Variants in PPFIBP2 observed in about 807,000 individuals in gnomAD.
PPFIBP2 encodes PPFIB scaffold protein 2, also known as liprin-beta-2.
In PPFIBP2, 118 loss-of-function variants were observed where a neutral mutation model predicts 118.3. The observed-to-expected ratio is 1.00, with a 90% CI of 0.86 to 1.16. PPFIBP2 has a LOEUF of 1.16. Among genes scored for constraint, PPFIBP2 ranks in the 50% most tolerant of loss-of-function variants. The pLI is 0.00. For missense variants in PPFIBP2, 1,195 were observed against 1,073.1 expected (o/e 1.11, Z -1.59); for synonymous variants, 414 against 397.4 (o/e 1.04, Z -0.50).
chr11:7,595,870 C>T (rs560113456), intron 4 of PPFIBP2, among the ~76,000 whole-genome samples: 4 of 148,738 alleles, frequency 2.7e-5, no homozygotes, highest in African/African-American at 1.0e-4. Flanking sequence ...AATGTAACTC[C>T]TTAGGAAAAG....
chr11:7,649,270 C>T (rs1188515835), intron 20 of PPFIBP2, 35 bp downstream of exon 20: 2 of 1,560,302 alleles, frequency 1.3e-6, no homozygotes, highest in Non-Finnish European at 8.8e-7. Flanking sequence ...TCAGTTGTCC[C>T]TGTGAGCACT....
chr11:7,593,094 A>T (rs749633670), intron 3 of PPFIBP2, 38 bp from the exon 4 acceptor site: 1 of 1,600,166 alleles, frequency 6.2e-7, no homozygotes, highest in Non-Finnish European at 8.5e-7. Flanking sequence ...TGTTTTTCCA[A>T]CCTTTTAAGT....
At position 7,620,947 on chromosome 11, in the gene PPFIBP2, G is replaced by C; in HGVS notation, c.631G>C (p.Glu211Gln). The C allele has an allele frequency of 6.2e-7, 1 of 1,610,016 alleles. No homozygotes were observed. ...KQRKAEELLQELRHLKIKVEE... is the reference protein window; with the variant it reads ...KQRKAEELLQQLRHLKIKVEE... ...CCTCATCCCCTAGGAGTTACTGCAA[G>C]AGCTCAGGCACCTCAAAATCAAAGT... Residue 211 changes from glutamate to glutamine, a missense_variant, in exon 7 of 24, where the codon GAG (glutamate) becomes CAG (glutamine). By Grantham distance (29) the Glu-to-Gln change is conservative (BLOSUM62 2). Coordinates refer to ENST00000299492, the MANE Select transcript of PPFIBP2 (RefSeq NM_003621.5).
chr11:7,558,434 C>T (rs568346171), intron 2 of PPFIBP2, among the ~76,000 whole-genome samples: 1 of 152,208 alleles, frequency 6.6e-6, no homozygotes, highest in Non-Finnish European at 1.5e-5. Context: ...CTACCACAGA[C>T]ATCCCTATGT....
chr11:7,554,130 G>T (rs72849066), intron 2 of PPFIBP2, among the ~76,000 whole-genome samples: 6,003 of 152,214 alleles, frequency 0.039, 126 homozygotes, highest in African/African-American at 0.067. Context: ...ATTTTAGATT[G>T]CATGATGTCA....
intron 2 of PPFIBP2, among the ~76,000 whole-genome samples, chr11:7,551,204 C>T (rs375815908): frequency 2.0e-5 from 3 of 152,186 alleles, no homozygotes; most frequent in South Asian, 4.2e-4. Context: ...GTGAGCTCCT[C>T]GGGGTCTCAC....
chr11:7,597,092 ACTCACCTGATAGG>A, intron 4 of PPFIBP2: 1 of 1,216,048 alleles, frequency 8.2e-7, no homozygotes, highest in Non-Finnish European at 1.1e-6. Context: ...GCATCAAAAC[ACTCACCTGATAGG>A]TGAGCAGTCC....
chr11:7,624,843 A>T (rs1849776230), intron 7 of PPFIBP2, among the ~76,000 whole-genome samples: 1 of 152,334 alleles, frequency 6.6e-6, no homozygotes, highest in East Asian at 1.9e-4. Flanking sequence ...TTCCCATTTT[A>T]TAGATGAGCT....
intron 1 of PPFIBP2, among the ~76,000 whole-genome samples, chr11:7,530,653 A>G (rs371180204): frequency 6.6e-6 from 1 of 152,220 alleles, no homozygotes; most frequent in Admixed American, 6.5e-5. Flanking sequence ...GCTGTGAGAA[A>G]TACATTTCCA....
intron 17 of PPFIBP2, among the ~76,000 whole-genome samples, chr11:7,645,609 TGAG>T (rs1209523939): frequency 2.0e-5 from 3 of 152,112 alleles, no homozygotes; most frequent in African/African-American, 7.2e-5. Context: ...TGAGAGGAGC[TGAG>T]GAGGAGGTGC....
At chr11:7,653,879 G>T, downstream of PPFIBP2, 1 of 994,278 alleles carries the variant, frequency 1.0e-6, no homozygotes, top group Non-Finnish European at 1.3e-6. Context: ...TCAGCCAGGT[G>T]CATGCTCAGG....
chr11:7,517,553 G>C (rs1294688828), intron 1 of PPFIBP2, among the ~76,000 whole-genome samples: 1 of 87,146 alleles, frequency 1.1e-5, no homozygotes, highest in African/African-American at 4.6e-5. Flanking sequence ...TCCCTGCCTA[G>C]GAGCAGAGTT....
chr11:7,530,305 A>G (rs1850580377), intron 1 of PPFIBP2, among the ~76,000 whole-genome samples: 1 of 135,758 alleles, frequency 7.4e-6, no homozygotes, highest in Non-Finnish European at 1.6e-5. Flanking sequence ...AAGGCAAAAA[A>G]CGAATCCAGC....
the PPFIBP2 span, chr11:7,665,963 G>A: frequency 2.1e-5 from 32 of 1,518,484 alleles, no homozygotes; most frequent in African/African-American, 4.1e-5. Flanking sequence ...AGGTACAGCC[G>A]GGAGCAGTGT....
chr11:7,576,672 C>T (rs1291195357), intron 3 of PPFIBP2: 1 of 152,396 alleles, frequency 6.6e-6, no homozygotes, highest in Non-Finnish European at 1.5e-5. Context: ...ACCCTCCAGC[C>T]CTGGCCCCTG....
chr11:7,540,180 G>A (rs1386274259), intron 1 of PPFIBP2, among the ~76,000 whole-genome samples: 3 of 152,130 alleles, frequency 2.0e-5, no homozygotes, highest in African/African-American at 7.2e-5. Flanking sequence ...CGTTGTGAAT[G>A]CTGGGAAGCC....
chr11:7,641,018 C>T (rs1565108573), intron 15 of PPFIBP2: 2 of 1,275,976 alleles, frequency 1.6e-6, no homozygotes, highest in Non-Finnish European at 1.0e-6. Flanking sequence ...TTCTCTGCTT[C>T]TTGGTTCACT....
chr11:7,615,059 G>A (rs2135537227), intron 6 of PPFIBP2, among the ~76,000 whole-genome samples: 1 of 152,276 alleles, frequency 6.6e-6, no homozygotes, highest in Non-Finnish European at 1.5e-5. Context: ...AGCTAGGCCA[G>A]GTGTGGTGGC....
intron 2 of PPFIBP2, among the ~76,000 whole-genome samples, chr11:7,560,163 C>G (rs1854134972): frequency 6.6e-6 from 1 of 152,148 alleles, no homozygotes; most frequent in Non-Finnish European, 1.5e-5. Context: ...AGCTAATCAA[C>G]AGCACAAGGA....
Sources: allele counts gnomAD v4.1 joint callset (sites outside exome capture counted in the v4.1 genomes callset), GRCh38; gene constraint gnomAD v4.1.1; transcripts MANE v1.5; gene names NCBI Gene and HGNC (gene_info 2026-07-23, HGNC 2026-07-21).